The following ADGRL4 variants were observed in gnomAD, a reference collection of about 807,000 sequenced individuals.
ADGRL4 encodes EGF, latrophilin and seven transmembrane domain containing 1.
In ADGRL4, 90 loss-of-function variants were observed where a neutral mutation model predicts 74.8. That is an observed-to-expected ratio of 1.20 (90% CI 1.02 to 1.43). The LOEUF is 1.43. ADGRL4 is among the 40% of genes most tolerant of loss of function. The pLI, the probability that ADGRL4 is intolerant of heterozygous loss-of-function variation, is 0.00. For synonymous variants in ADGRL4, 311 were observed against 279.2 expected (o/e 1.11, Z -1.14); for missense variants, 881 against 814.3 (o/e 1.08, Z -1.00).
At chr1:78,929,762 T>C (rs904578532) in intron 7 of ADGRL4, among the ~76,000 whole-genome samples, 1 of 151,506 alleles carries the variant, frequency 6.6e-6, no homozygotes, top group Non-Finnish European at 1.5e-5. Context: ...TTACTGTCCC[T>C]TTCAAATGTC....
At chr1:78,934,460 A>G (rs920198856) in intron 7 of ADGRL4, among the ~76,000 whole-genome samples, 2 of 152,310 alleles carry the variant, frequency 1.3e-5, no homozygotes, top group South Asian at 2.1e-4. Context: ...CTAGAAGAAA[A>G]TGTAGGTAAT....
At position 79,004,739 on chromosome 1, in the gene ADGRL4, C is replaced by T. The variant is rs576920295; in HGVS notation, c.172+331G>A. ...ATCATGTAAAGAGGGTATATGAAGG[C>T]GATACATAGCAGTATACATTTCGTG... On this transcript the variant is annotated intron_variant, in intron 2 of 14. Transcript: ENST00000370742. Among the ~76,000 whole-genome samples the T allele has an allele frequency of 3.3e-5, 5 of 152,080 alleles. No individual in the cohort carries two copies. In the South Asian group the frequency reaches 8.3e-4, roughly 25 times the overall value.
chr1:78,946,375 C>A lies in ADGRL4; in HGVS notation c.224G>T (p.Cys75Phe), dbSNP rs960678534. 3.1e-6 allele frequency: 5 copies of A among 1,612,922 alleles called. No individual in the cohort carries two copies. Among genetic ancestry groups the A allele is most frequent in the Non-Finnish European group, 4.2e-6 (5 of 1,179,370 alleles). ...LTQSCGENAN[C>F]TNTEGSYYCM... Reference sequence around the variant, plus strand: ...ATAATAACTTCCTTCTGTGTTAGTGCAATTAGCATTTTCGCCACAGGACTG... The same window carrying A: ...ATAATAACTTCCTTCTGTGTTAGTGAAATTAGCATTTTCGCCACAGGACTG... Residue 75 changes from cysteine (C) to phenylalanine (F), a missense_variant, in exon 3 of 15, where the codon TGC becomes TTC. Cys to Phe is a radical substitution (Grantham distance 205). Coordinates refer to ENST00000370742, the MANE Select transcript of ADGRL4 (RefSeq NM_022159.4).
chr1:78,967,791 GT>G (rs1473100937), intron 2 of ADGRL4, among the ~76,000 whole-genome samples: 3 of 151,530 alleles, frequency 2.0e-5, no homozygotes, highest in Non-Finnish European at 4.4e-5. Flanking sequence ...GTTATAAAAG[GT>G]TTTTGCTACT....
At chr1:78,988,281 T>C (rs907205821) in intron 2 of ADGRL4, among the ~76,000 whole-genome samples, 1 of 151,808 alleles carries the variant, frequency 6.6e-6, no homozygotes, top group Non-Finnish European at 1.5e-5. Context: ...TTAGAATTAG[T>C]AGAGCCAGGC....
At chr1:78,998,419 G>GCAGTGCC (rs1427754529) in intron 2 of ADGRL4, among the ~76,000 whole-genome samples, 2 of 139,304 alleles carry the variant, frequency 1.4e-5, no homozygotes, top group Non-Finnish European at 3.0e-5. Context: ...TGCCAGGCTG[G>GCAGTGCC]AGTGCAGTGG....
At chr1:78,966,090 G>A (rs534774058) in intron 2 of ADGRL4, among the ~76,000 whole-genome samples, 2 of 152,122 alleles carry the variant, frequency 1.3e-5, no homozygotes, top group South Asian at 4.1e-4. Flanking sequence ...ATAAGCTACA[G>A]AGTCATAAAT....
chr1:78,912,974 A>G (rs1483077533), intron 12 of ADGRL4, among the ~76,000 whole-genome samples: 1 of 152,002 alleles, frequency 6.6e-6, no homozygotes, highest in African/African-American at 2.4e-5. Flanking sequence ...AATGGGGACA[A>G]GGGACATGAA....
intron 2 of ADGRL4, among the ~76,000 whole-genome samples, chr1:79,003,962 C>A (rs978230350): frequency 6.6e-6 from 1 of 151,864 alleles, no homozygotes; most frequent in Non-Finnish European, 1.5e-5. Flanking sequence ...TGATTTAATG[C>A]ACCATTAAGT....
intron 12 of ADGRL4, among the ~76,000 whole-genome samples, chr1:78,905,606 AC>A (rs1483890967): frequency 6.6e-6 from 1 of 152,178 alleles, no homozygotes; most frequent in East Asian, 1.9e-4. Context: ...AAAACTATTT[AC>A]AAAAACAAGC....
At chr1:78,911,154 C>T (rs918921233) in intron 12 of ADGRL4, among the ~76,000 whole-genome samples, 19 of 151,740 alleles carry the variant, frequency 1.3e-4, no homozygotes, top group African/African-American at 4.6e-4. Flanking sequence ...AAGCAAATAC[C>T]ATTTAAGGCA....
At chr1:78,946,666 A>C (rs1649607670) in intron 2 of ADGRL4, among the ~76,000 whole-genome samples, 1 of 152,176 alleles carries the variant, frequency 6.6e-6, no homozygotes, top group Admixed American at 6.5e-5. Context: ...ACTAGATATA[A>C]CTATTAAATC....
chr1:78,950,613 G>C (rs1325061576), intron 2 of ADGRL4, among the ~76,000 whole-genome samples: 1 of 152,192 alleles, frequency 6.6e-6, no homozygotes, highest in Non-Finnish European at 1.5e-5. Flanking sequence ...TTACGAGTCA[G>C]TGATTTGGAG....
chr1:78,937,847 G>T lies in ADGRL4; in HGVS notation c.720C>A (p.Phe240Leu). ...TTGTATCAAACTCTGTGGTCTTTTGGAAGCTCTGGGATATCCTTAAAGTAG... is the reference window on the plus strand; with the variant it reads ...TTGTATCAAACTCTGTGGTCTTTTGTAAGCTCTGGGATATCCTTAAAGTAG... The part of the protein sequence containing the change: ...EQATLRISQS[F>L]QKTTEFDTNS... Residue 240 changes from phenylalanine (F) to leucine (L), a missense_variant, in exon 6 of 15, where the codon TTC becomes TTA. By Grantham distance (22) the Phe-to-Leu change is conservative. Transcript: ENST00000370742. The T allele has an allele frequency of 6.2e-7, 1 of 1,613,194 alleles. No homozygotes were observed. Among genetic ancestry groups the T allele is most frequent in the South Asian group, 1.1e-5 (1 of 90,776 alleles).
intron 2 of ADGRL4, among the ~76,000 whole-genome samples, chr1:78,947,125 A>T (rs546611559): frequency 4.6e-5 from 7 of 152,168 alleles, no homozygotes; most frequent in Admixed American, 4.6e-4. Context: ...TGCTTCTCAG[A>T]GATGATCATA....
At chr1:78,903,404 C>G (rs1186104202) in intron 12 of ADGRL4, among the ~76,000 whole-genome samples, 1 of 152,070 alleles carries the variant, frequency 6.6e-6, no homozygotes, top group Admixed American at 6.6e-5. Context: ...GTGCTATGTG[C>G]CAGCCAGGCT....
chr1:78,933,951 A>C (rs1316348915), intron 7 of ADGRL4, among the ~76,000 whole-genome samples: 1 of 152,188 alleles, frequency 6.6e-6, no homozygotes, highest in Non-Finnish European at 1.5e-5. Flanking sequence ...AAATGGAAAA[A>C]TTGTCCGTGT....
At position 78,944,402 on chromosome 1, in the gene ADGRL4, C is replaced by T. The variant is rs141943588; in HGVS notation, c.325+1872G>A. Among the ~76,000 whole-genome samples the T allele has an allele frequency of 1.1e-4, 16 of 152,242 alleles. 1 individual carries two copies. Among genetic ancestry groups the T allele is most frequent in the African/African-American group, 3.4e-4 (14 of 41,550 alleles). ...TTATATGACATTCTAAGACTAGTAA[C>T]AAGAATATAGGCTTGAGAAGAACAA... is the stretch of plus-strand genomic sequence containing the variant. On this transcript the variant is annotated intron_variant, in intron 3 of 14. Transcript: ENST00000370742.
intron 12 of ADGRL4, among the ~76,000 whole-genome samples, chr1:78,915,655 C>G (rs1178631870): frequency 6.6e-6 from 1 of 151,788 alleles, no homozygotes; most frequent in Non-Finnish European, 1.5e-5. Flanking sequence ...ATTGTATGAC[C>G]CATGGGAAGA....
Sources: gnomAD v4.1 joint callset for allele counts (sites outside exome capture counted in the v4.1 genomes callset) on GRCh38, gnomAD v4.1.1 for gene constraint, MANE v1.5 for transcripts, NCBI Gene and HGNC (gene_info 2026-07-23, HGNC 2026-07-21) for gene names.